Variants in NRXN3 observed in about 807,000 individuals in gnomAD.
NRXN3 encodes the protein neurexin 3, also known as neurexin III.
NRXN3 carries 32 observed loss-of-function variants against 137.6 expected under a neutral mutation model. That is an observed-to-expected ratio of 0.23 (90% CI 0.18 to 0.31). NRXN3 has a LOEUF of 0.31. NRXN3 is among the 10% of genes least tolerant of loss of function. The pLI is 1.00. For missense variants in NRXN3, 1,574 were observed against 2,062.5 expected (o/e 0.76, Z 4.59); for synonymous variants, 798 against 784.5 (o/e 1.02, Z -0.29).
chr14:78,301,752 C>A (rs1400277676), intron 4 of NRXN3, among the ~76,000 whole-genome samples: 1 of 152,130 alleles, frequency 6.6e-6, no homozygotes, highest in Non-Finnish European at 1.5e-5. Flanking sequence ...TTCAGTGACA[C>A]GTCTGTGAGA....
chr14:79,712,898 T>TATTTC (rs1436116295), intron 19 of NRXN3, among the ~76,000 whole-genome samples: 1 of 152,148 alleles, frequency 6.6e-6, no homozygotes, highest in African/African-American at 2.4e-5. Context: ...CAGCTCTATT[T>TATTTC]ATTTCCTCAT....
intron 15 of NRXN3, among the ~76,000 whole-genome samples, chr14:79,000,782 C>G (rs1443181559): frequency 6.6e-6 from 1 of 152,110 alleles, no homozygotes. Context: ...TTGTCCCCAA[C>G]TCATGAAAAT....
At chr14:79,637,128 T>TG (rs1298296409) in intron 16 of NRXN3, among the ~76,000 whole-genome samples, 1 of 152,184 alleles carries the variant, frequency 6.6e-6, no homozygotes, top group Non-Finnish European at 1.5e-5. Context: ...CTGCGTGATT[T>TG]GGGGCAAATC....
chr14:79,033,224 C>T (rs2099610709), intron 15 of NRXN3, among the ~76,000 whole-genome samples: 1 of 152,060 alleles, frequency 6.6e-6, no homozygotes, highest in Non-Finnish European at 1.5e-5. Context: ...CAGGGTTAAC[C>T]TCTATCGTAC....
chr14:79,133,978 A>G (rs1481150999), intron 15 of NRXN3, among the ~76,000 whole-genome samples: 2 of 151,762 alleles, frequency 1.3e-5, no homozygotes, highest in East Asian at 1.9e-4. Flanking sequence ...CTGAACAAAT[A>G]CGTTATTTAC....
At chr14:79,378,475 C>T (rs971651281) in intron 15 of NRXN3, among the ~76,000 whole-genome samples, 3 of 152,290 alleles carry the variant, frequency 2.0e-5, no homozygotes, top group Non-Finnish European at 2.9e-5. Context: ...GATGTAAGAG[C>T]ATCATCACTG....
intron 17 of NRXN3, among the ~76,000 whole-genome samples, chr14:79,684,678 G>A (rs1217685937): frequency 6.6e-6 from 1 of 152,066 alleles, no homozygotes; most frequent in African/African-American, 2.4e-5. Flanking sequence ...TGAGCTGTGT[G>A]GGGACACCAC....
rs866469413 is a variant in NRXN3 at position 79,005,625 on chromosome 14, T to C, written c.3262+17484T>C. Among the ~76,000 whole-genome samples the C allele has an allele frequency of 3.3e-5, 5 of 152,190 alleles. No individual in the cohort carries two copies. The South Asian group carries it at 1.0e-3, about 32-fold the overall frequency. The stretch of plus-strand genomic sequence containing the variant: ...TCTGGGACTCACTTTCATAAACCCA[T>C]GCACCTGTGGGAAAACTCTCTTCCC... On this transcript the variant is annotated intron_variant, in intron 15 of 20. Transcript: ENST00000335750.
Position 79,654,482 on chromosome 14 carries a change from A to C in NRXN3, c.3445-9296A>C, listed in dbSNP as rs572140445. Among the ~76,000 whole-genome samples the C allele has an allele frequency of 7.9e-5, 12 of 152,304 alleles. No individual in the cohort carries two copies. The East Asian group carries it at 2.3e-3, about 29-fold the overall frequency. On this transcript the variant is annotated intron_variant, in intron 16 of 20. Coordinates refer to ENST00000335750, the MANE Select transcript of NRXN3 (RefSeq NM_001330195.2). ...AGCTACTCATGTCTGCTGTTGTAGC[A>C]TGGAAGCAGCCAAAGATAATAATAC... is the stretch of plus-strand genomic sequence containing the variant.
intron 6 of NRXN3, among the ~76,000 whole-genome samples, chr14:78,668,967 T>TCTAC (rs372734292): frequency 2.6e-5 from 4 of 152,276 alleles, no homozygotes; most frequent in Admixed American, 6.5e-5. Flanking sequence ...TGTCTATCTA[T>TCTAC]CTACCTACCT....
At chr14:79,388,063 T>C (rs1313910830) in intron 15 of NRXN3, among the ~76,000 whole-genome samples, 2 of 151,724 alleles carry the variant, frequency 1.3e-5, no homozygotes, top group Non-Finnish European at 1.5e-5. Flanking sequence ...GTAACAAACC[T>C]GCACGTTGTG....
chr14:78,495,176 G>A (rs1326224723), intron 4 of NRXN3, among the ~76,000 whole-genome samples: 1 of 142,616 alleles, frequency 7.0e-6, no homozygotes, highest in Non-Finnish European at 1.5e-5. Context: ...GTTGCATGTT[G>A]GTACATACTT....
intron 16 of NRXN3, among the ~76,000 whole-genome samples, chr14:79,623,098 C>A (rs938845236): frequency 6.6e-6 from 1 of 152,132 alleles, no homozygotes; most frequent in Admixed American, 6.5e-5. Flanking sequence ...GCCAGGGAAA[C>A]TCTTTATTCC....
At chr14:78,508,361 G>GT (rs1470063602) in intron 4 of NRXN3, among the ~76,000 whole-genome samples, 1 of 152,206 alleles carries the variant, frequency 6.6e-6, no homozygotes, top group Admixed American at 6.5e-5. Context: ...AGGCTCACCA[G>GT]TGTCCCACAA....
chr14:78,386,741 C>T (rs2090022437), intron 4 of NRXN3, among the ~76,000 whole-genome samples: 1 of 152,048 alleles, frequency 6.6e-6, no homozygotes, highest in South Asian at 2.1e-4. Flanking sequence ...TCACTGCACT[C>T]CTTAGCTATG....
chr14:79,449,164 C>T (rs2096121656), intron 15 of NRXN3, among the ~76,000 whole-genome samples: 1 of 152,194 alleles, frequency 6.6e-6, no homozygotes. Flanking sequence ...CCTCCTGCAT[C>T]ATTCATGAAT....
chr14:78,606,884 T>G (rs141558075), intron 4 of NRXN3, among the ~76,000 whole-genome samples: 4 of 152,342 alleles, frequency 2.6e-5, no homozygotes, highest in African/African-American at 9.6e-5. Flanking sequence ...AAGTAACGTA[T>G]AAACCTAAGT....
intron 4 of NRXN3, among the ~76,000 whole-genome samples, chr14:78,393,465 C>T (rs937095219): frequency 2.0e-5 from 3 of 152,024 alleles, no homozygotes; most frequent in Non-Finnish European, 2.9e-5. Flanking sequence ...CTATTCTGTT[C>T]CATTGACCTG....
intron 1 of NRXN3, among the ~76,000 whole-genome samples, chr14:78,235,248 C>T (rs893850276): frequency 6.6e-6 from 1 of 151,852 alleles, no homozygotes; most frequent in South Asian, 2.1e-4. Context: ...TTCAGCCTCA[C>T]CTGGCACACT....
Sources: gnomAD v4.1 joint callset for allele counts (sites outside exome capture counted in the v4.1 genomes callset) on GRCh38, gnomAD v4.1.1 for gene constraint, MANE v1.5 for transcripts, NCBI Gene and HGNC (gene_info 2026-07-23, HGNC 2026-07-21) for gene names.